The following CLVS1 variants were observed in gnomAD, a reference collection of about 807,000 sequenced individuals.
The protein encoded by CLVS1 is clavesin-1.
Under a neutral mutation model 33.1 loss-of-function variants are expected in CLVS1, and 10 were observed. That is an observed-to-expected ratio of 0.30 (90% CI 0.19 to 0.51). The LOEUF is 0.51. Among genes scored for constraint, CLVS1 ranks in the 20% least tolerant of loss-of-function variants. CLVS1 has a pLI of 0.97. For synonymous variants in CLVS1, 163 were observed against 166.1 expected (o/e 0.98, Z 0.14); for missense variants, 343 against 433.4 (o/e 0.79, Z 1.85).
chr8:61,440,390 C>T (rs1330808317), intron 3 of CLVS1, among the ~76,000 whole-genome samples: 1 of 152,180 alleles, frequency 6.6e-6, no homozygotes, highest in Non-Finnish European at 1.5e-5. Context: ...TAAATTATAT[C>T]TGTTAAGACT....
intron 4 of CLVS1, among the ~76,000 whole-genome samples, chr8:61,456,582 G>T (rs1302712071): frequency 2.0e-5 from 3 of 152,094 alleles, no homozygotes; most frequent in Non-Finnish European, 4.4e-5. Flanking sequence ...GAACAAGGTA[G>T]CAAGTGTTTA....
At chr8:60,977,244 A>C in the CLVS1 span, among the ~76,000 whole-genome samples, 1 of 152,242 alleles carries the variant, frequency 6.6e-6, no homozygotes, top group Non-Finnish European at 1.5e-5. Context: ...ATAACATAAC[A>C]CTCAAAATAT....
chr8:61,127,291 T>C (rs970095609), intron 1 of CLVS1, among the ~76,000 whole-genome samples: 6 of 151,944 alleles, frequency 3.9e-5, no homozygotes, highest in Non-Finnish European at 8.8e-5. Flanking sequence ...CTCAGCTCAC[T>C]GAAACCTCTT....
chr8:61,132,456 G>T lies in CLVS1; in HGVS notation c.-152+596G>T, dbSNP rs16926901. On this transcript the variant is annotated intron_variant, in intron 2 of 2. Coordinates refer to the CLVS1 transcript ENST00000522621. ...GAGGCTTTGGGCAGGAGGTTCTACTGTGGCTGAATGCTGAGACTGGCTGAA... is the reference window on the plus strand; with the variant it reads ...GAGGCTTTGGGCAGGAGGTTCTACTTTGGCTGAATGCTGAGACTGGCTGAA... 9.7e-3 allele frequency among the ~76,000 whole-genome samples: 1,480 copies of T among 152,350 alleles called. 21 individuals are homozygous for T. Among genetic ancestry groups the T allele is most frequent in the African/African-American group, 0.034 (1,408 of 41,580 alleles).
chr8:61,194,720 C>A (rs937378127), intron 2 of CLVS1, among the ~76,000 whole-genome samples: 2 of 151,478 alleles, frequency 1.3e-5, no homozygotes, highest in African/African-American at 4.8e-5. Context: ...TATATAAATT[C>A]ATATTTAGAT....
At chr8:61,203,735 A>G (rs570961209) in intron 2 of CLVS1, among the ~76,000 whole-genome samples, 5 of 152,190 alleles carry the variant, frequency 3.3e-5, no homozygotes, top group Admixed American at 2.0e-4. Context: ...CTTCCAATTG[A>G]TTATCTTACA....
the CLVS1 span, among the ~76,000 whole-genome samples, chr8:60,997,654 C>G: frequency 6.6e-6 from 1 of 152,134 alleles, no homozygotes; most frequent in African/African-American, 2.4e-5. Flanking sequence ...GGCTGCCTTT[C>G]TGGGAAGGGA....
chr8:61,463,617 A>G (rs575108541), intron 5 of CLVS1, among the ~76,000 whole-genome samples: 6 of 152,312 alleles, frequency 3.9e-5, no homozygotes, highest in Admixed American at 3.9e-4. Flanking sequence ...GAAAAATGAG[A>G]GAACATTTGA....
intron 2 of CLVS1, among the ~76,000 whole-genome samples, chr8:61,172,029 C>A (rs983725423): frequency 6.6e-6 from 1 of 152,186 alleles, no homozygotes; most frequent in East Asian, 1.9e-4. Flanking sequence ...CACCTCCAAA[C>A]TCTTGCTAAT....
At chr8:61,211,283 TC>T (rs2129307294) in intron 2 of CLVS1, among the ~76,000 whole-genome samples, 2 of 150,684 alleles carry the variant, frequency 1.3e-5, no homozygotes, top group Non-Finnish European at 3.0e-5. Context: ...CAATGAGGAG[TC>T]TTTTGTATTT....
chr8:61,250,822 G>T (rs893758086), intron 2 of CLVS1, among the ~76,000 whole-genome samples: 1 of 152,092 alleles, frequency 6.6e-6, no homozygotes, highest in African/African-American at 2.4e-5. Flanking sequence ...AGGGCTGAGA[G>T]GATGGGGTTT....
chr8:61,039,430 G>T, the CLVS1 span, among the ~76,000 whole-genome samples: 1 of 152,220 alleles, frequency 6.6e-6, no homozygotes, highest in African/African-American at 2.4e-5. Flanking sequence ...AGAGCACACA[G>T]GCTCCTTCAG....
intron 3 of CLVS1, among the ~76,000 whole-genome samples, chr8:61,439,074 A>G (rs1182827881): frequency 2.0e-5 from 3 of 152,214 alleles, no homozygotes; most frequent in South Asian, 4.1e-4. Context: ...GTTGCTTTGA[A>G]TGACTTCCGT....
At chr8:61,418,466 C>A (rs1047641994) in intron 3 of CLVS1, among the ~76,000 whole-genome samples, 3 of 152,278 alleles carry the variant, frequency 2.0e-5, no homozygotes, top group African/African-American at 7.2e-5. Context: ...CTCCCTTACC[C>A]CCTCCATTAC....
At chr8:61,049,260 C>T in the CLVS1 span, among the ~76,000 whole-genome samples, 13 of 152,256 alleles carry the variant, frequency 8.5e-5, no homozygotes, top group African/African-American at 1.4e-4. Flanking sequence ...TCACATGGCC[C>T]GCCCACAAGA....
chr8:61,299,162 A>G (rs1810336512), intron 1 of CLVS1, among the ~76,000 whole-genome samples: 1 of 152,174 alleles, frequency 6.6e-6, no homozygotes, highest in Non-Finnish European at 1.5e-5. Flanking sequence ...AAATAGGGGA[A>G]GTATTTTATA....
chr8:61,340,803 A>G (rs750757117), intron 2 of CLVS1, among the ~76,000 whole-genome samples: 23 of 152,204 alleles, frequency 1.5e-4, no homozygotes, highest in Non-Finnish European at 3.1e-4. Flanking sequence ...TACATTTCTA[A>G]TTGGAATGAA....
chr8:61,115,708 C>G (rs1186253263), intron 1 of CLVS1, among the ~76,000 whole-genome samples: 2 of 150,688 alleles, frequency 1.3e-5, no homozygotes, highest in Non-Finnish European at 2.9e-5. Context: ...ATGAACTCAT[C>G]ATTTTTTATG....
At chr8:61,243,240 A>G (rs909020192) in intron 2 of CLVS1, among the ~76,000 whole-genome samples, 1 of 152,220 alleles carries the variant, frequency 6.6e-6, no homozygotes, top group Admixed American at 6.5e-5. Context: ...GTACATATTT[A>G]ACATGATGTT....
Sources: allele counts gnomAD v4.1 joint callset (sites outside exome capture counted in the v4.1 genomes callset), GRCh38; gene constraint gnomAD v4.1.1; transcripts MANE v1.5; gene names NCBI Gene and HGNC (gene_info 2026-07-23, HGNC 2026-07-21).